The following NEXMIF variants were observed in gnomAD, a reference collection of about 807,000 sequenced individuals.
NEXMIF encodes the protein XLMR protein related to neurite extension.
Under a neutral mutation model 62.1 loss-of-function variants are expected in NEXMIF, and 8 were observed. That is an observed-to-expected ratio of 0.13 (90% CI 0.08 to 0.23). NEXMIF has a LOEUF of 0.23. Ranked by LOEUF, NEXMIF falls within the 10% of genes least tolerant of loss-of-function variation. NEXMIF has a pLI of 1.00. For synonymous variants in NEXMIF, 404 were observed against 416.6 expected (o/e 0.97, Z 0.37); for missense variants, 976 against 1,113.3 (o/e 0.88, Z 1.75).
intron 1 of NEXMIF, among the ~76,000 whole-genome samples, chrX:74,871,224 C>T (rs1345822037): frequency 2.7e-5 from 3 of 111,070 alleles, no homozygotes; most frequent in Non-Finnish European, 5.7e-5. Context: ...GCTGGGCCTC[C>T]GGGGGTGTCA....
At chrX:74,752,715 T>A (rs1476234229) in intron 1 of NEXMIF, among the ~76,000 whole-genome samples, 3 of 111,562 alleles carry the variant, frequency 2.7e-5, no homozygotes, top group Non-Finnish European at 3.8e-5. Context: ...TCCTCACTAG[T>A]CTTAACTTTT....
Position 74,743,828 on chromosome X carries a change from C to T in NEXMIF, c.729G>A (p.Lys243=). The T allele has an allele frequency of 8.3e-7, 1 of 1,211,567 alleles. No individual in the cohort carries two copies. Among genetic ancestry groups the T allele is most frequent in the Middle Eastern group, 2.3e-4 (1 of 4,351 alleles). Residue 243 remains lysine, a synonymous_variant, in exon 3 of 4, where the codon AAG becomes AAA. Coordinates refer to ENST00000055682, the MANE Select transcript of NEXMIF (RefSeq NM_001008537.3). The stretch of plus-strand genomic sequence containing the variant: ...CAAGCAAAGCTTCTTCTGTATTGCA[C>T]TTGTCTAACAGTAATGCCTCATAAT... ...KSYYEALLLD[K]CNTEEALLAN... is the part of the protein sequence containing the mutation.
chrX:74,873,097 G>A (rs903976283), intron 1 of NEXMIF, among the ~76,000 whole-genome samples: 7 of 109,442 alleles, frequency 6.4e-5, no homozygotes, highest in East Asian at 2.9e-4. Flanking sequence ...CCACTAACTC[G>A]TCATCTAGCA....
chrX:74,876,469 G>T (rs1453228912), intron 1 of NEXMIF, among the ~76,000 whole-genome samples: 10 of 110,484 alleles, frequency 9.1e-5, no homozygotes, highest in Non-Finnish European at 1.5e-4. Flanking sequence ...TATATTCTGT[G>T]GATTTGGGGT....
rs148921051 is a variant in NEXMIF at position 74,745,394 on chromosome X, C to T, written c.79+178G>A. Among the ~76,000 whole-genome samples, 744 of 111,638 alleles carry T rather than the reference C, an allele frequency of 6.7e-3. 11 individuals carry two copies. Among genetic ancestry groups the T allele is most frequent in the African/African-American group, 0.023 (702 of 30,745 alleles). On this transcript the variant is annotated intron_variant, in intron 2 of 3. Coordinates refer to ENST00000055682, the MANE Select transcript of NEXMIF (RefSeq NM_001008537.3). Reference sequence around the variant, plus strand: ...GAGGGCAAAGTGGTCAGATTCAATGCCTCTTAGAGACTCTTATAGCCAAGT... The same window carrying T: ...GAGGGCAAAGTGGTCAGATTCAATGTCTCTTAGAGACTCTTATAGCCAAGT...
chrX:74,796,199 T>TA (rs1400498349), intron 1 of NEXMIF, among the ~76,000 whole-genome samples: 7 of 66,931 alleles, frequency 1.0e-4, no homozygotes, highest in Non-Finnish European at 1.9e-4. Context: ...ATTATATATA[T>TA]ACATATATAT....
chrX:74,886,363 C>T (rs1346337043), intron 1 of NEXMIF, among the ~76,000 whole-genome samples: 1 of 111,707 alleles, frequency 9.0e-6, no homozygotes, highest in Non-Finnish European at 1.9e-5. Flanking sequence ...CAAATTGTCC[C>T]TGTTTGCAGA....
rs1292113843 is a variant in NEXMIF, at chrX:74,884,916, T to C, written c.-48+39967A>G. On this transcript the variant is annotated intron_variant, in intron 1 of 3. Transcript: ENST00000055682. ...TGGAAGTAAAGCAGTCCTCAGCAAATGTAAAAGAACAGAAATTATAACAAA... is the reference window on the plus strand; with the variant it reads ...TGGAAGTAAAGCAGTCCTCAGCAAACGTAAAAGAACAGAAATTATAACAAA... 3.6e-5 allele frequency among the ~76,000 whole-genome samples: 4 copies of C among 111,034 alleles called. 1 individual carries two copies. The highest frequency in any genetic ancestry group is 5.6e-4 in the East Asian group (2 of 3,577).
intron 1 of NEXMIF, among the ~76,000 whole-genome samples, chrX:74,758,125 T>C (rs1171935627): frequency 9.0e-6 from 1 of 111,385 alleles, no homozygotes; most frequent in South Asian, 3.8e-4. Context: ...TTAGGCCAGA[T>C]AATGTCATGC....
chrX:74,823,693 A>AAGAT (rs2080404985), intron 1 of NEXMIF, among the ~76,000 whole-genome samples: 1 of 88,276 alleles, frequency 1.1e-5, no homozygotes, highest in African/African-American at 4.9e-5. Flanking sequence ...GAGACAGAGA[A>AAGAT]AGACAGATAG....
chrX:74,813,415 G>T (rs1328833920), intron 1 of NEXMIF, among the ~76,000 whole-genome samples: 3 of 111,971 alleles, frequency 2.7e-5, no homozygotes, highest in African/African-American at 9.7e-5. Context: ...CTTTAGAAAA[G>T]AAGCTTTTCC....
chrX:74,856,309 A>G (rs1009025356), intron 1 of NEXMIF, among the ~76,000 whole-genome samples: 2 of 111,942 alleles, frequency 1.8e-5, no homozygotes, highest in African/African-American at 6.5e-5. Flanking sequence ...GAGCAAGATG[A>G]CTGCACATTT....
At chrX:74,762,285 A>G (rs2080179164) in intron 1 of NEXMIF, among the ~76,000 whole-genome samples, 1 of 111,011 alleles carries the variant, frequency 9.0e-6, no homozygotes, top group African/African-American at 3.3e-5. Flanking sequence ...CCTACAAAGG[A>G]CATGAACTCA....
intron 1 of NEXMIF, among the ~76,000 whole-genome samples, chrX:74,758,737 A>T (rs1351304709): frequency 5.4e-5 from 6 of 111,559 alleles, no homozygotes; most frequent in Non-Finnish European, 9.4e-5. Flanking sequence ...GAAGGACATG[A>T]CCTCGTTCTT....
chrX:74,796,200 AC>A (rs1177290076), intron 1 of NEXMIF, among the ~76,000 whole-genome samples: 14 of 65,501 alleles, frequency 2.1e-4, no homozygotes, highest in African/African-American at 6.1e-4. Context: ...TTATATATAT[AC>A]ATATATATTA....
chrX:74,876,626 A>C (rs1260718955), intron 1 of NEXMIF, among the ~76,000 whole-genome samples: 1 of 100,853 alleles, frequency 9.9e-6, no homozygotes, highest in African/African-American at 3.6e-5. Flanking sequence ...GTGGGAGTCT[A>C]AGTCTCTTTG....
chrX:74,862,626 TAACA>T (rs1409837051), intron 1 of NEXMIF, among the ~76,000 whole-genome samples: 2 of 111,542 alleles, frequency 1.8e-5, no homozygotes, highest in Non-Finnish European at 3.8e-5. Flanking sequence ...ACTGATATCA[TAACA>T]AACAGTCGCT....
intron 1 of NEXMIF, among the ~76,000 whole-genome samples, chrX:74,836,187 C>T (rs919356805): frequency 8.9e-6 from 1 of 112,442 alleles, no homozygotes; most frequent in African/African-American, 3.2e-5. Flanking sequence ...ACTCACCCTT[C>T]AGGGCTATGG....
chrX:74,791,456 T>C (rs1199071232), intron 1 of NEXMIF, among the ~76,000 whole-genome samples: 14 of 111,272 alleles, frequency 1.3e-4, no homozygotes, highest in Non-Finnish European at 2.6e-4. Flanking sequence ...GTTGTGTCTC[T>C]GCCTGGCTTT....
Sources: gnomAD v4.1 joint callset for allele counts (sites outside exome capture counted in the v4.1 genomes callset) on GRCh38, gnomAD v4.1.1 for gene constraint, MANE v1.5 for transcripts, NCBI Gene and HGNC (gene_info 2026-07-23, HGNC 2026-07-21) for gene names.